The following EPHB1 variants were observed in gnomAD, a reference collection of about 807,000 sequenced individuals.
EPHB1 encodes ephrin type-B receptor 1.
In EPHB1, 30 loss-of-function variants were observed where a neutral mutation model predicts 94.4. The observed-to-expected ratio is 0.32, with a 90% CI of 0.24 to 0.43. EPHB1 has a LOEUF of 0.43. EPHB1 is among the 20% of genes least tolerant of loss of function. EPHB1 has a pLI of 1.00. For missense variants in EPHB1, 1,055 were observed against 1,308.3 expected (o/e 0.81, Z 2.99); for synonymous variants, 522 against 489.1 (o/e 1.07, Z -0.89).
At chr3:135,039,418 G>A (rs1044732747) in intron 3 of EPHB1, among the ~76,000 whole-genome samples, 46 of 152,210 alleles carry the variant, frequency 3.0e-4, no homozygotes, top group Admixed American at 5.9e-4. Flanking sequence ...GTCCTGCACC[G>A]TGCGCTCGCA....
In EPHB1 at chr3:134,881,769, A is replaced by G. The variant is rs138423011; in HGVS notation, c.59-44047A>G. Among the ~76,000 whole-genome samples, 4 of 152,344 alleles carry G rather than the reference A, an allele frequency of 2.6e-5. No homozygotes were observed. The East Asian group carries it at 5.8e-4, about 22-fold the overall frequency. ...ACTACATCAGTCCCTTAACACAGGCATGGATCTTATTTTTAATCCCCAGAA... is the reference window on the plus strand; with the variant it reads ...ACTACATCAGTCCCTTAACACAGGCGTGGATCTTATTTTTAATCCCCAGAA... On this transcript the variant is annotated intron_variant, in intron 1 of 15. Coordinates refer to ENST00000398015, the MANE Select transcript of EPHB1 (RefSeq NM_004441.5).
chr3:135,194,135 C>T (rs976209369), intron 11 of EPHB1, among the ~76,000 whole-genome samples: 8 of 152,162 alleles, frequency 5.3e-5, no homozygotes, highest in Non-Finnish European at 7.3e-5. Flanking sequence ...TCACTTCCAA[C>T]GTAGTGACAG....
At chr3:135,045,451 C>G (rs1178996154) in intron 3 of EPHB1, among the ~76,000 whole-genome samples, 6 of 152,170 alleles carry the variant, frequency 3.9e-5, no homozygotes. Flanking sequence ...GTTGCAAGGA[C>G]AAGCACTCGT....
chr3:135,174,320 T>C (rs1340418933), intron 9 of EPHB1, among the ~76,000 whole-genome samples: 1 of 152,114 alleles, frequency 6.6e-6, no homozygotes, highest in Non-Finnish European at 1.5e-5. Context: ...CTGGTATCAC[T>C]CTCCCCACTC....
chr3:134,974,810 A>C (rs1472484259), intron 3 of EPHB1, among the ~76,000 whole-genome samples: 3 of 140,002 alleles, frequency 2.1e-5, no homozygotes, highest in Admixed American at 2.1e-4. Flanking sequence ...CCGCAGTCCC[A>C]TGACTTCATC....
chr3:135,008,454 CTA>C (rs140205425), intron 3 of EPHB1, among the ~76,000 whole-genome samples: 5,608 of 152,212 alleles, frequency 0.037, 330 homozygotes, highest in African/African-American at 0.13. Flanking sequence ...GCATTTCACT[CTA>C]TGGCCTTGAA....
chr3:135,123,976 AG>A (rs1216290625), intron 4 of EPHB1, among the ~76,000 whole-genome samples: 1 of 151,636 alleles, frequency 6.6e-6, no homozygotes, highest in Non-Finnish European at 1.5e-5. Flanking sequence ...TTCTCTGCTC[AG>A]AGCCCTCCTT....
chr3:135,167,001 GC>G lies in EPHB1; in HGVS notation c.1756del (p.Arg586GlufsTer6). 1.2e-6 allele frequency: 2 copies of G among 1,614,078 alleles called. No homozygotes were observed. The highest frequency in any genetic ancestry group is 1.7e-6 in the Non-Finnish European group (2 of 1,179,968). On this transcript the variant is annotated frameshift_variant, in exon 9 of 16. Coordinates refer to ENST00000398015, the MANE Select transcript of EPHB1 (RefSeq NM_004441.5). LOFTEE classifies it high-confidence loss of function. ...YSDKLQHYSTGRGSPGMKIYI... is the reference protein window; with the variant it reads ...YSDKLQHYSTXRGSPGMKIYI... ...GATAAGCTCCAGCATTACAGCACAG[GC>G]CGAGGTAAGTAGAAAGCAGAGACCC...
At chr3:135,049,395 G>C (rs762751650) in intron 3 of EPHB1, among the ~76,000 whole-genome samples, 5 of 152,184 alleles carry the variant, frequency 3.3e-5, no homozygotes, top group South Asian at 2.1e-4. Context: ...GGCTGGGGTC[G>C]TCACAAAGGC....
At chr3:135,133,370 T>G (rs943844588) in intron 5 of EPHB1, among the ~76,000 whole-genome samples, 6 of 152,156 alleles carry the variant, frequency 3.9e-5, no homozygotes, top group Middle Eastern at 3.2e-3. Context: ...GATGAAGAGA[T>G]GGACAGACAG....
At chr3:134,877,059 G>A (rs546598626) in intron 1 of EPHB1, among the ~76,000 whole-genome samples, 63 of 152,304 alleles carry the variant, frequency 4.1e-4, no homozygotes, top group African/African-American at 1.5e-3. Flanking sequence ...TGCATGCCCA[G>A]TCTTAGACTC....
chr3:135,211,020 T>A (rs1943020695), intron 12 of EPHB1, among the ~76,000 whole-genome samples: 1 of 152,226 alleles, frequency 6.6e-6, no homozygotes, highest in Non-Finnish European at 1.5e-5. Context: ...ACTTAACTTT[T>A]ACTTATTCTT....
chr3:134,968,855 C>T (rs748991689), intron 3 of EPHB1, among the ~76,000 whole-genome samples: 3 of 152,172 alleles, frequency 2.0e-5, no homozygotes, highest in African/African-American at 4.8e-5. Context: ...ATAATGCCTG[C>T]GAGATTCATC....
At chr3:135,122,490 A>G (rs1362300024) in intron 4 of EPHB1, among the ~76,000 whole-genome samples, 1 of 152,126 alleles carries the variant, frequency 6.6e-6, no homozygotes, top group Non-Finnish European at 1.5e-5. Context: ...CCCCACCTTG[A>G]GCCACAGCTA....
intron 3 of EPHB1, among the ~76,000 whole-genome samples, chr3:135,011,730 A>G (rs1025087492): frequency 3.0e-4 from 45 of 152,186 alleles, no homozygotes; most frequent in African/African-American, 1.1e-3. Context: ...AGGGCCTCTC[A>G]GGATGCAACA....
intron 1 of EPHB1, among the ~76,000 whole-genome samples, chr3:134,902,605 T>C (rs1405634336): frequency 1.3e-5 from 2 of 152,250 alleles, no homozygotes; most frequent in Admixed American, 6.5e-5. Context: ...CATTAGCTGG[T>C]ACAGCAGGCA....
intron 15 of EPHB1, among the ~76,000 whole-genome samples, chr3:135,254,766 G>A (rs1271982874): frequency 6.6e-6 from 1 of 151,920 alleles, no homozygotes; most frequent in Non-Finnish European, 1.5e-5. Flanking sequence ...TTTTTCTATT[G>A]ATTGGAATAG....
intron 1 of EPHB1, among the ~76,000 whole-genome samples, chr3:134,827,836 G>C (rs150871398): frequency 6.6e-6 from 1 of 152,268 alleles, no homozygotes; most frequent in Non-Finnish European, 1.5e-5. Context: ...GTGCTGGCTG[G>C]CAGAAACCGA....
intron 1 of EPHB1, among the ~76,000 whole-genome samples, chr3:134,862,788 C>G (rs2037294999): frequency 6.6e-6 from 1 of 152,138 alleles, no homozygotes; most frequent in Non-Finnish European, 1.5e-5. Context: ...CCTCCAACCC[C>G]ACAGCACAGT....
Sources: gnomAD v4.1 joint callset for allele counts (sites outside exome capture counted in the v4.1 genomes callset) on GRCh38, gnomAD v4.1.1 for gene constraint, MANE v1.5 for transcripts, NCBI Gene and HGNC (gene_info 2026-07-23, HGNC 2026-07-21) for gene names.